MRRF: variants seen among roughly 807,000 people sequenced by gnomAD.
The protein encoded by MRRF is mitochondrial ribosome recycling factor, also known as ribosome-recycling factor, mitochondrial.
A neutral mutation model predicts 25.1 loss-of-function variants in MRRF; 18 were observed. That is an observed-to-expected ratio of 0.72 (90% CI 0.50 to 1.06). The LOEUF (loss-of-function observed/expected upper bound fraction) is 1.06. MRRF is among the 50% of genes least tolerant of loss of function. The probability of loss-of-function intolerance (pLI) is 0.00; values close to 1 mark genes in which losing one functional copy is unlikely to be tolerated. For missense variants in MRRF, 323 were observed against 319.3 expected, an observed-to-expected ratio of 1.01 and a Z score of -0.09; for synonymous variants, 113 against 112.1, an observed-to-expected ratio of 1.01 and a Z score of -0.05.
rs186153087 is a variant in MRRF at position 122,291,159 on chromosome 9, G to A, written c.460-590G>A. ...TGCCCAGGGTCACATGGTTACCAGA[G>A]CTGGGATGTGAACTGAGATCTTTCT... On this transcript the variant is annotated intron_variant, in intron 4 of 6. Transcript: ENST00000344641. Among the ~76,000 whole-genome samples the A allele has an allele frequency of 9.6e-4, 146 of 152,284 alleles. 1 individual carries two copies. Among genetic ancestry groups the A allele is most frequent in the African/African-American group, 3.3e-3 (137 of 41,556 alleles).
chr9:122,275,529 G>A (rs574671824), intron 2 of MRRF, among the ~76,000 whole-genome samples: 1 of 152,256 alleles, frequency 6.6e-6, no homozygotes, highest in East Asian at 1.9e-4. Flanking sequence ...CAGCTATTCA[G>A]GATGCTGAGA....
At chr9:122,290,244 C>T (rs1381961224) in intron 4 of MRRF, among the ~76,000 whole-genome samples, 1 of 152,130 alleles carries the variant, frequency 6.6e-6, no homozygotes, top group Non-Finnish European at 1.5e-5. Context: ...CTCAAACCAT[C>T]TCTCTTGGGC....
chr9:122,301,772 T>C (rs1834480417), intron 5 of MRRF, among the ~76,000 whole-genome samples: 1 of 151,930 alleles, frequency 6.6e-6, no homozygotes, highest in African/African-American at 2.4e-5. Flanking sequence ...CTCTCTCTGT[T>C]GCCCAGGCTG....
intron 5 of MRRF, among the ~76,000 whole-genome samples, chr9:122,311,832 C>T (rs761089981): frequency 2.6e-5 from 4 of 152,162 alleles, no homozygotes; most frequent in South Asian, 2.1e-4. Flanking sequence ...TTTTCTGCCC[C>T]TCTTAGTATT....
chr9:122,277,815 G>C (rs1291914878), intron 2 of MRRF, among the ~76,000 whole-genome samples: 1 of 152,204 alleles, frequency 6.6e-6, no homozygotes, highest in Non-Finnish European at 1.5e-5. Context: ...GCTTGCCAAA[G>C]TGCTAGGATT....
chr9:122,283,353 A>G (rs548370389), intron 3 of MRRF, among the ~76,000 whole-genome samples: 1 of 152,258 alleles, frequency 6.6e-6, no homozygotes, highest in South Asian at 2.1e-4. Context: ...TCAGCCTCCC[A>G]AAGTGCTGGG....
intron 5 of MRRF, among the ~76,000 whole-genome samples, chr9:122,296,616 A>G (rs1472957215): frequency 6.6e-6 from 1 of 152,154 alleles, no homozygotes; most frequent in East Asian, 1.9e-4. Context: ...CTGTCTCCTG[A>G]TAGAAGATTT....
intron 6 of MRRF, among the ~76,000 whole-genome samples, chr9:122,322,129 G>C (rs1835926463): frequency 6.6e-6 from 1 of 152,208 alleles, no homozygotes; most frequent in Non-Finnish European, 1.5e-5. Flanking sequence ...GGGAGGCCAA[G>C]GCAGGAGGAT....
At chr9:122,271,619 G>A (rs139250480) in intron 2 of MRRF, among the ~76,000 whole-genome samples, 4 of 152,162 alleles carry the variant, frequency 2.6e-5, no homozygotes, top group East Asian at 1.9e-4. Context: ...GCCTGCACTC[G>A]TGCATTCTGT....
At chr9:122,317,746 TTGAG>T (rs1835624865) in intron 6 of MRRF, among the ~76,000 whole-genome samples, 1 of 152,184 alleles carries the variant, frequency 6.6e-6, no homozygotes, top group Non-Finnish European at 1.5e-5. Flanking sequence ...GGATTTTATT[TTGAG>T]TGAGATTATC....
chr9:122,313,292 A>G lies in MRRF; in HGVS notation c.617A>G (p.Asp206Gly). Residue 206 changes from aspartate to glycine, a missense_variant, in exon 6 of 7, where the codon GAC becomes GGC. By Grantham distance (94) the Asp-to-Gly change is moderately conservative. Transcript: ENST00000344641. ...LAKQNTNKAKDSLRKVRTNSM... is the reference protein window; with the variant it reads ...LAKQNTNKAKGSLRKVRTNSM... ...AAACAGAACACCAACAAGGCCAAAG[A>G]CTCTTTACGGAAGGTTCGCACCAAC... 6.2e-7 allele frequency: 1 copy of G among 1,614,078 alleles called. No individual in the cohort carries two copies. Among genetic ancestry groups the G allele is most frequent in the Non-Finnish European group, 8.5e-7 (1 of 1,179,962 alleles).
At chr9:122,315,019 C>T (rs1005069286) in intron 6 of MRRF, among the ~76,000 whole-genome samples, 1 of 152,012 alleles carries the variant, frequency 6.6e-6, no homozygotes, top group Non-Finnish European at 1.5e-5. Flanking sequence ...TCCCCTTCTC[C>T]TCCACCAGCA....
At chr9:122,294,490 G>A (rs915912668) in intron 5 of MRRF, among the ~76,000 whole-genome samples, 7 of 152,172 alleles carry the variant, frequency 4.6e-5, no homozygotes, top group South Asian at 2.1e-4. Flanking sequence ...GACCAAAACC[G>A]TCTGCTCCTG....
intron 5 of MRRF, among the ~76,000 whole-genome samples, chr9:122,309,173 A>G (rs1835056284): frequency 6.6e-6 from 1 of 152,170 alleles, no homozygotes; most frequent in Admixed American, 6.5e-5. Flanking sequence ...TTCACTTAGC[A>G]TAATGTTTTT....
intron 4 of MRRF, chr9:122,286,007 G>C (rs761668693): frequency 2.3e-6 from 3 of 1,302,744 alleles, no homozygotes. Context: ...AGTTGAAGAA[G>C]GTAATTGGGC....
chr9:122,318,213 A>G (rs1042109919), intron 6 of MRRF, among the ~76,000 whole-genome samples: 3 of 151,310 alleles, frequency 2.0e-5, no homozygotes, highest in Non-Finnish European at 2.9e-5. Context: ...AGATTTCCTC[A>G]CCTGTTCCCC....
chr9:122,300,586 C>T (rs967830874), intron 5 of MRRF, among the ~76,000 whole-genome samples: 4 of 152,092 alleles, frequency 2.6e-5, no homozygotes, highest in African/African-American at 4.8e-5. Flanking sequence ...ATGTCCTTTT[C>T]CTGATTATTT....
intron 2 of MRRF, among the ~76,000 whole-genome samples, chr9:122,278,389 C>T (rs977895207): frequency 1.2e-4 from 18 of 152,140 alleles, no homozygotes; most frequent in African/African-American, 4.3e-4. Flanking sequence ...TGACCCTTTG[C>T]AGATAACTAT....
Position 122,291,756 on chromosome 9 carries a change from C to T in MRRF, c.467C>T (p.Ala156Val), listed in dbSNP as rs377557781. The change falls in exon 5 of 7, where the codon GCT becomes GTT. Residue 156 changes from alanine to valine, a missense_variant. By Grantham distance (64) the Ala-to-Val change is moderately conservative. Transcript: ENST00000344641. ...VNMASFPECT[A>V]AAIKAIRESG... ...TTTTGATCTGGTTTTCAGTGTACAG[C>T]TGCAGCTATCAAGGCTATAAGAGAA... 4 of 1,611,144 alleles carry T rather than the reference C, an allele frequency of 2.5e-6. No individual in the cohort carries two copies. In the African/African-American group the frequency reaches 5.3e-5, roughly 22 times the overall value.
Sources: allele counts gnomAD v4.1 joint callset (sites outside exome capture counted in the v4.1 genomes callset), GRCh38; gene constraint gnomAD v4.1.1; transcripts MANE v1.5; gene names NCBI Gene and HGNC (gene_info 2026-07-23, HGNC 2026-07-21).